Variants in PHC2 observed in about 807,000 individuals in gnomAD.
PHC2 encodes the protein polyhomeotic homolog 2.
A neutral mutation model predicts 87.4 loss-of-function variants in PHC2; 29 were observed. The ratio of observed to expected loss-of-function variants is 0.33; its 90% CI spans 0.25 to 0.45. The LOEUF is 0.45. Ranked by LOEUF, PHC2 falls within the 20% of genes least tolerant of loss-of-function variation. The pLI is 1.00. For synonymous variants in PHC2, 438 were observed against 461.7 expected, an observed-to-expected ratio of 0.95 and a Z score of 0.66; for missense variants, 857 against 1,136.7, an observed-to-expected ratio of 0.75 and a Z score of 3.54.
At chr1:33,344,598 A>C (rs549658087) in intron 9 of PHC2, among the ~76,000 whole-genome samples, 88 of 152,270 alleles carry the variant, frequency 5.8e-4, no homozygotes, top group African/African-American at 1.9e-3. Context: ...GGATTTAATC[A>C]AATTTTTTTA....
intron 1 of PHC2, among the ~76,000 whole-genome samples, chr1:33,403,979 T>C (rs1459414515): frequency 6.6e-6 from 1 of 152,198 alleles, no homozygotes; most frequent in Non-Finnish European, 1.5e-5. Context: ...ATGCTGTTCT[T>C]TCTCTCTAGA....
intron 9 of PHC2, among the ~76,000 whole-genome samples, chr1:33,341,211 G>A (rs1027213033): frequency 2.0e-5 from 3 of 152,226 alleles, no homozygotes; most frequent in African/African-American, 4.8e-5. Flanking sequence ...ATGTAATGCA[G>A]GCACAACACA....
chr1:33,382,316 C>T lies in PHC2; in HGVS notation c.-54-6723G>A, dbSNP rs1173937523. 6.6e-6 allele frequency among the ~76,000 whole-genome samples: 1 copy of T among 152,050 alleles called. No homozygotes were observed. The stretch of plus-strand genomic sequence containing the variant: ...GCTACTGAGGCATCTGTGGACTCTC[C>T]TTACATCCTTCCCTCTGGTGACCCA... On this transcript the variant is annotated intron_variant, in intron 1 of 14. Coordinates refer to ENST00000683057, the MANE Select transcript of PHC2 (RefSeq NM_001385109.1). The surrounding 1 kb of genome is among the most constrained non-coding windows in gnomAD (Gnocchi z 4.3).
At chr1:33,399,345 G>A (rs1425992564) in intron 1 of PHC2, among the ~76,000 whole-genome samples, 1 of 151,764 alleles carries the variant, frequency 6.6e-6, no homozygotes, top group Non-Finnish European at 1.5e-5. Context: ...AGCTCACAAG[G>A]GCCACATTAT....
At chr1:33,419,310 A>G (rs1022307179) in intron 1 of PHC2, among the ~76,000 whole-genome samples, 2 of 152,202 alleles carry the variant, frequency 1.3e-5, no homozygotes, top group Admixed American at 6.5e-5. Context: ...GCTGCCATAA[A>G]AACGATGACA....
At position 33,349,151 on chromosome 1, in the gene PHC2, G is replaced by A. The variant is rs927430359; in HGVS notation, c.1558+5250C>T. On this transcript the variant is annotated intron_variant, in intron 9 of 14. Transcript: ENST00000683057. The surrounding 1 kb of genome is among the most constrained non-coding windows in gnomAD (Gnocchi z 4.2). ...TTCCATCCAATTAAAAACCTCGTGA[G>A]ACTGAACTAGATTAAAAACAAAACT... is the stretch of plus-strand genomic sequence containing the variant. The A allele has an allele frequency of 3.3e-5, 33 of 985,286 alleles. No homozygotes were observed. The highest frequency in any genetic ancestry group is 3.9e-5 in the Non-Finnish European group (32 of 829,900). The allele number at this position is 985,286 out of a possible 1,614,324, so 61.0% of individuals were successfully genotyped here.
intron 7 of PHC2, among the ~76,000 whole-genome samples, chr1:33,357,190 T>C (rs1283275034): frequency 2.6e-5 from 4 of 152,028 alleles, no homozygotes; most frequent in African/African-American, 9.7e-5. Flanking sequence ...GGCCCGCAAA[T>C]GGATTTTTAC....
chr1:33,371,047 C>T lies in PHC2; in HGVS notation c.381G>A (p.Val127=). 2 of 1,614,148 alleles carry T rather than the reference C, an allele frequency of 1.2e-6. No individual in the cohort carries two copies. Among genetic ancestry groups the T allele is most frequent in the South Asian group, 1.1e-5 (1 of 91,080 alleles). ...NRQGSTSGSN[V]SAQAPAQSSS... ...ATGACTGGGCCGGGGCCTGCGCAGA[C>T]ACATTGCTGCCTGAAGTGCTTCCTT... Residue 127 remains valine (V), a synonymous_variant, in exon 4 of 15, where the codon GTG becomes GTA. Transcript: ENST00000683057.
chr1:33,408,332 G>A (rs1649845638), intron 1 of PHC2, among the ~76,000 whole-genome samples: 1 of 152,156 alleles, frequency 6.6e-6, no homozygotes, highest in African/African-American at 2.4e-5. Flanking sequence ...GAATTTATTT[G>A]CACTAGTTTG....
rs372209652 is a variant in PHC2, at chr1:33,372,321, C to T, written c.301G>A (p.Ala101Thr). 1.3e-5 allele frequency: 20 copies of T among 1,594,402 alleles called. No homozygotes were observed. Among genetic ancestry groups the T allele is most frequent in the Admixed American group, 1.0e-4 (6 of 58,626 alleles). The change falls in exon 3 of 15, where the codon GCC (alanine) becomes ACC (threonine). Residue 101 changes from alanine (A) to threonine (T), a missense_variant. This residue lies in a region of PHC2 where 832 missense variants were observed against 1,081.8 expected (regional missense o/e 0.77). Transcript: ENST00000683057. ...AALQQQHLSS[A>T]QLQSLAAVQQ... ...ACGGCTGCCAGGCTCTGGAGCTGGG[C>T]GCTGCTGAGGTGCTGCTGCTGGAGC...
intron 1 of PHC2, among the ~76,000 whole-genome samples, chr1:33,428,696 T>C (rs150301258): frequency 3.9e-4 from 59 of 152,328 alleles, no homozygotes; most frequent in Non-Finnish European, 7.8e-4. Flanking sequence ...AATGGGATTT[T>C]CTCTGCTCTG....
intron 8 of PHC2, 22 bp from the exon 9 acceptor site, chr1:33,354,588 A>AGG: frequency 2.5e-6 from 4 of 1,601,920 alleles, no homozygotes; most frequent in Non-Finnish European, 3.4e-6. Flanking sequence ...CAGGACAGAG[A>AGG]GGGGGGCCTC....
intron 9 of PHC2, among the ~76,000 whole-genome samples, chr1:33,342,744 T>C (rs1254064267): frequency 6.6e-6 from 1 of 152,192 alleles, no homozygotes; most frequent in East Asian, 1.9e-4. Context: ...AGAGTTCTAC[T>C]TAACCCTGGT....
intron 1 of PHC2, among the ~76,000 whole-genome samples, chr1:33,417,191 C>A (rs764525755): frequency 1.1e-4 from 16 of 150,604 alleles, no homozygotes; most frequent in Non-Finnish European, 2.2e-4. Flanking sequence ...GAAACTCAAA[C>A]AATCCAAAAT....
At chr1:33,330,267 T>C (rs1316270717) in intron 12 of PHC2, 55 bp from the exon 13 acceptor site, 2 of 1,591,412 alleles carry the variant, frequency 1.3e-6, no homozygotes, top group Non-Finnish European at 8.6e-7. Context: ...TTATGGGCCG[T>C]AGGCAGAATG....
At chr1:33,402,800 G>A (rs1429348911) in intron 1 of PHC2, among the ~76,000 whole-genome samples, 2 of 151,724 alleles carry the variant, frequency 1.3e-5, no homozygotes, top group African/African-American at 2.4e-5. Context: ...TCACTCATAT[G>A]TTGTAAAACT....
In PHC2 at chr1:33,338,658, GC is replaced by G. The variant is rs1462614064; in HGVS notation, c.1559-4367del. On this transcript the variant is annotated intron_variant, in intron 9 of 14. Transcript: ENST00000683057. The stretch of plus-strand genomic sequence containing the variant: ...TTAACAGTGAAACTTGCAGAAACCT[GC>G]CCTGCTGGCCCTGAGGCCAGATAAA... 2.0e-5 allele frequency among the ~76,000 whole-genome samples: 3 copies of G among 152,358 alleles called. No individual in the cohort carries two copies. The East Asian group carries it at 5.8e-4, about 29-fold the overall frequency.
intron 9 of PHC2, among the ~76,000 whole-genome samples, chr1:33,343,601 G>A (rs1376447096): frequency 2.6e-5 from 4 of 152,138 alleles, no homozygotes; most frequent in Non-Finnish European, 5.9e-5. Context: ...CTGTGGTGAG[G>A]ATTAAATAAT....
chr1:33,372,538 A>G (rs1647919374), intron 2 of PHC2, 91 bp from the exon 3 acceptor site: 1 of 1,204,034 alleles, frequency 8.3e-7, no homozygotes, highest in East Asian at 2.9e-5. Flanking sequence ...CCAGGTCTCT[A>G]TAACTGCTCG....
Sources: gnomAD v4.1 joint callset for allele counts (sites outside exome capture counted in the v4.1 genomes callset) on GRCh38, gnomAD v4.1.1 for gene constraint, gnomAD v4.1.1 regional missense constraint, Gnocchi (gnomAD v3.1) non-coding constraint, MANE v1.5 for transcripts, NCBI Gene and HGNC (gene_info 2026-07-23, HGNC 2026-07-21) for gene names.